The following MTMR8 variants were observed in gnomAD, a reference collection of about 807,000 sequenced individuals.
MTMR8 encodes phosphatidylinositol-3,5-bisphosphate 3-phosphatase MTMR8.
A neutral mutation model predicts 39.3 loss-of-function variants in MTMR8; 65 were observed. The ratio of observed to expected loss-of-function variants is 1.65; its 90% confidence interval spans 1.35 to 2.03. The LOEUF is 2.03. Among genes scored for constraint, MTMR8 ranks in the 30% most tolerant of loss-of-function variants. The pLI is 0.00. For synonymous variants in MTMR8, 245 were observed against 185.2 expected (o/e 1.32, Z -2.62); for missense variants, 777 against 538.9 (o/e 1.44, Z -4.37).
intron 7 of MTMR8, among the ~76,000 whole-genome samples, chrX:64,344,438 A>G (rs1923298156): frequency 9.0e-6 from 1 of 111,340 alleles, no homozygotes; most frequent in African/African-American, 3.3e-5. Context: ...GGTTTTCACT[A>G]TCTCTGCCTG....
At chrX:64,339,044 A>G (rs985299868) in intron 8 of MTMR8, among the ~76,000 whole-genome samples, 2 of 111,025 alleles carry the variant, frequency 1.8e-5, no homozygotes, top group Non-Finnish European at 3.8e-5. Context: ...TCTAATGGAA[A>G]GTCCAGTGAG....
chrX:64,386,473 G>A (rs973591404), intron 1 of MTMR8, among the ~76,000 whole-genome samples: 2 of 110,844 alleles, frequency 1.8e-5, no homozygotes, highest in African/African-American at 6.6e-5. Context: ...AGAATTCAGG[G>A]GGCACTTTAA....
At chrX:64,318,716 T>G (rs1377091188) in intron 12 of MTMR8, among the ~76,000 whole-genome samples, 3 of 105,475 alleles carry the variant, frequency 2.8e-5, no homozygotes, top group Admixed American at 2.0e-4. Context: ...TTGTTTTTTT[T>G]TTTTTTTTTG....
intron 12 of MTMR8, among the ~76,000 whole-genome samples, chrX:64,311,867 C>T (rs1227689894): frequency 9.7e-6 from 1 of 102,573 alleles, no homozygotes; most frequent in East Asian, 3.1e-4. Flanking sequence ...GTTTATATAT[C>T]TGCTTTGGTA....
chrX:64,370,921 G>A (rs1298384129), intron 1 of MTMR8, among the ~76,000 whole-genome samples: 3 of 111,961 alleles, frequency 2.7e-5, no homozygotes, highest in African/African-American at 6.5e-5. Flanking sequence ...GGGAAGCCAA[G>A]GTGGGAGGAT....
intron 11 of MTMR8, among the ~76,000 whole-genome samples, chrX:64,329,830 G>C (rs932429502): frequency 9.0e-6 from 1 of 111,430 alleles, no homozygotes; most frequent in Non-Finnish European, 1.9e-5. Context: ...AAAATATTGC[G>C]TTGGTAAGGT....
At chrX:64,282,786 G>A (rs1013593299) in intron 12 of MTMR8, among the ~76,000 whole-genome samples, 1 of 111,606 alleles carries the variant, frequency 9.0e-6, no homozygotes, top group South Asian at 3.8e-4. Flanking sequence ...GCAACCTGCA[G>A]AATGGGAGAA....
chrX:64,364,535 G>T (rs778436572), intron 1 of MTMR8, among the ~76,000 whole-genome samples: 6 of 111,962 alleles, frequency 5.4e-5, no homozygotes, highest in Non-Finnish European at 1.1e-4. Context: ...CTATTAGAAG[G>T]AAAAGTAACA....
intron 12 of MTMR8, among the ~76,000 whole-genome samples, chrX:64,323,449 T>C (rs1410844337): frequency 8.9e-6 from 1 of 111,826 alleles, no homozygotes; most frequent in Non-Finnish European, 1.9e-5. Flanking sequence ...GGGAATAGAC[T>C]GCAATAAAAT....
At chrX:64,275,180 T>A (rs1282701316) in intron 12 of MTMR8, among the ~76,000 whole-genome samples, 1 of 111,003 alleles carries the variant, frequency 9.0e-6, no homozygotes, top group Non-Finnish European at 1.9e-5. Context: ...TATACAATTA[T>A]GACTGGCCAA....
At chrX:64,279,213 CA>C (rs1242444869) in intron 12 of MTMR8, among the ~76,000 whole-genome samples, 2 of 111,933 alleles carry the variant, frequency 1.8e-5, no homozygotes, top group African/African-American at 6.5e-5. Flanking sequence ...TTCAAGAAAT[CA>C]AAAAGGAGGG....
Position 64,302,526 on chromosome X carries a change from A to C in MTMR8, c.1481+26246T>G, listed in dbSNP as rs533990103. On this transcript the variant is annotated intron_variant, in intron 12 of 13. Coordinates refer to ENST00000374852, the MANE Select transcript of MTMR8 (RefSeq NM_017677.4). ...TGGAAATGCAGAAATCACCCGTCTTATGCGTCGCTCACGCTGGGAGCTGTA... is the reference window on the plus strand; with the variant it reads ...TGGAAATGCAGAAATCACCCGTCTTCTGCGTCGCTCACGCTGGGAGCTGTA... Among the ~76,000 whole-genome samples, 419 of 111,931 alleles carry C rather than the reference A, an allele frequency of 3.7e-3. 2 individuals are homozygous for C. The highest frequency in any genetic ancestry group is 8.2e-3 in the African/African-American group (254 of 30,844).
At chrX:64,349,104 G>A (rs912579497) in intron 5 of MTMR8, among the ~76,000 whole-genome samples, 2 of 111,153 alleles carry the variant, frequency 1.8e-5, no homozygotes, top group Non-Finnish European at 3.8e-5. Context: ...TTCTGAAACC[G>A]CCTCACTTTT....
At chrX:64,337,132 A>C (rs1923097190) in intron 9 of MTMR8, 136 bp downstream of exon 9, 1 of 617,647 alleles carries the variant, frequency 1.6e-6, no homozygotes, top group Non-Finnish European at 2.5e-6. Flanking sequence ...TTTAATGAAA[A>C]GAAGCTAAAT....
At chrX:64,293,655 C>A (rs1921474187) in intron 12 of MTMR8, among the ~76,000 whole-genome samples, 1 of 111,095 alleles carries the variant, frequency 9.0e-6, no homozygotes, top group Non-Finnish European at 1.9e-5. Context: ...CACCCTTTTA[C>A]CATATTAACT....
intron 12 of MTMR8, among the ~76,000 whole-genome samples, chrX:64,300,501 G>A (rs1451174055): frequency 9.1e-6 from 1 of 109,684 alleles, no homozygotes; most frequent in East Asian, 2.9e-4. Context: ...CCTGAATACA[G>A]CACACTGATG....
At chrX:64,386,608 C>T (rs1441112149) in intron 1 of MTMR8, among the ~76,000 whole-genome samples, 1 of 112,188 alleles carries the variant, frequency 8.9e-6, no homozygotes, top group Non-Finnish European at 1.9e-5. Context: ...CAAAGAACTA[C>T]AGCAAGAGAA....
intron 12 of MTMR8, among the ~76,000 whole-genome samples, chrX:64,308,343 G>C (rs755399091): frequency 3.8e-5 from 1 of 26,660 alleles, no homozygotes; most frequent in African/African-American, 1.6e-4. Context: ...TTTTTTTTTT[G>C]TATTTTTAGT....
At chrX:64,312,074 A>T (rs1230851928) in intron 12 of MTMR8, among the ~76,000 whole-genome samples, 1 of 111,152 alleles carries the variant, frequency 9.0e-6, no homozygotes, top group Non-Finnish European at 1.9e-5. Flanking sequence ...GATGGCATTG[A>T]ATCTATAAAT....
Sources: gnomAD v4.1 joint callset for allele counts (sites outside exome capture counted in the v4.1 genomes callset) on GRCh38, gnomAD v4.1.1 for gene constraint, MANE v1.5 for transcripts, NCBI Gene and HGNC (gene_info 2026-07-23, HGNC 2026-07-21) for gene names.